Variants in SYNJ2 observed in about 807,000 individuals in gnomAD.
The protein encoded by SYNJ2 is polyphosphatidylinositol phosphatase SYNJ2.
A neutral mutation model predicts 141.3 loss-of-function variants in SYNJ2; 116 were observed. That is an observed-to-expected ratio of 0.82 (90% confidence interval 0.71 to 0.96). The LOEUF is 0.96. Among genes scored for constraint, SYNJ2 ranks in the 40% least tolerant of loss-of-function variants. The pLI is 0.00. For missense variants in SYNJ2, 1,873 were observed against 1,934.8 expected, an observed-to-expected ratio of 0.97 and a Z score of 0.60; for synonymous variants, 745 against 777.7, an observed-to-expected ratio of 0.96 and a Z score of 0.70.
intron 22 of SYNJ2, among the ~76,000 whole-genome samples, chr6:158,085,116 C>T (rs944823959): frequency 3.3e-5 from 5 of 151,626 alleles, no homozygotes; most frequent in African/African-American, 9.7e-5. Context: ...ACCTCCCAGG[C>T]TCAAGCGATC....
rs1210150892 is a variant in SYNJ2 at position 158,074,708 on chromosome 6, T to C, written c.2262T>C (p.Asp754=). 24 of 1,613,690 alleles carry C rather than the reference T, an allele frequency of 1.5e-5. No homozygotes were observed. The highest frequency in any genetic ancestry group is 2.0e-5 in the Non-Finnish European group (24 of 1,179,932). Residue 754 remains aspartate (D), a synonymous_variant, in exon 16 of 27, where the codon GAT becomes GAC. Coordinates refer to ENST00000355585, the MANE Select transcript of SYNJ2 (RefSeq NM_003898.4). ...RQDWKKLLEF[D]QLQLQKSSGK... is the part of the protein sequence containing the mutation. ...ACTGGAAGAAACTTCTGGAATTTGA[T>C]CAACTACAGCTACAGAAATCAAGTG...
intron 1 of SYNJ2, among the ~76,000 whole-genome samples, chr6:157,999,865 C>T (rs370644584): frequency 8.4e-4 from 128 of 152,240 alleles, no homozygotes; most frequent in African/African-American, 2.3e-3. Context: ...TGTTCTCTTT[C>T]GAGCCGTGCA....
At chr6:158,051,516 C>A (rs111757932) in intron 5 of SYNJ2, among the ~76,000 whole-genome samples, 1,655 of 151,926 alleles carry the variant, frequency 0.011, 11 homozygotes, top group African/African-American at 0.027. Flanking sequence ...TAAAAAAAAA[C>A]CCCACAGGTT....
rs570688976 is a variant in SYNJ2, at chr6:158,062,284, G to C, written c.1127+120G>C. 9.5e-6 allele frequency: 14 copies of C among 1,475,322 alleles called. No individual in the cohort carries two copies. In the East Asian group the frequency reaches 2.8e-4, roughly 30 times the overall value. The allele number at this position is 1,475,322 out of a possible 1,614,324, so 91.4% of individuals were successfully genotyped here. On this transcript the variant is annotated intron_variant, in intron 8 of 26. Transcript: ENST00000355585. Reference sequence around the variant, plus strand: ...GGCGGCAGAGGGGCCGTGCAGTCTAGGACATGTGCCCTATGAGGGGCAGCT... The same window carrying C: ...GGCGGCAGAGGGGCCGTGCAGTCTACGACATGTGCCCTATGAGGGGCAGCT...
At position 158,078,399 on chromosome 6, in the gene SYNJ2, G is replaced by T. The variant is rs545635719; in HGVS notation, c.2567+118G>T. ...GTGTGTGCGCATGGGGGTGCATTTTGTGTGCATACAATACACCAAAGAACA... is the reference window on the plus strand; with the variant it reads ...GTGTGTGCGCATGGGGGTGCATTTTTTGTGCATACAATACACCAAAGAACA... On this transcript the variant is annotated intron_variant, in intron 18 of 26. Transcript: ENST00000355585. The T allele has an allele frequency of 7.5e-6, 5 of 669,636 alleles. No individual in the cohort carries two copies. In the South Asian group the frequency reaches 9.1e-5, roughly 12 times the overall value. 41.5% of individuals were successfully genotyped at this position (669,636 alleles called of 1,614,324 possible).
chr6:157,982,345 A>G lies in SYNJ2; in HGVS notation c.127+257A>G, dbSNP rs1777045905. Among the ~76,000 whole-genome samples, 1 of 152,118 alleles carries G rather than the reference A, an allele frequency of 6.6e-6. No homozygotes were observed. The highest frequency in any genetic ancestry group is 2.4e-5 in the African/African-American group (1 of 41,430). On this transcript the variant is annotated intron_variant, in intron 1 of 26. Coordinates refer to ENST00000355585, the MANE Select transcript of SYNJ2 (RefSeq NM_003898.4). The surrounding 1 kb of genome is among the most constrained non-coding windows in gnomAD (Gnocchi z 4.0). The stretch of plus-strand genomic sequence containing the variant: ...TCTCCGGCCCGCGCCGCCAGAGGAT[A>G]TGGTTGCTGGATAGCCGGCTGGGGC...
At chr6:158,008,559 T>C (rs1434112159) in intron 1 of SYNJ2, among the ~76,000 whole-genome samples, 7 of 152,188 alleles carry the variant, frequency 4.6e-5, no homozygotes, top group African/African-American at 1.7e-4. Context: ...ATCTAAGGTA[T>C]AGGAGAGTGA....
At position 158,076,722 on chromosome 6, in the gene SYNJ2, A is replaced by AC. The variant is rs1562389268; in HGVS notation, c.2394dup (p.Ala799ArgfsTer16). 2 of 1,610,358 alleles carry AC rather than the reference A, an allele frequency of 1.2e-6. No individual in the cohort carries two copies. Among genetic ancestry groups the AC allele is most frequent in the Non-Finnish European group, 1.7e-6 (2 of 1,176,922 alleles). On this transcript the variant is annotated frameshift_variant, in exon 17 of 27. Coordinates refer to ENST00000355585, the MANE Select transcript of SYNJ2 (RefSeq NM_003898.4). LOFTEE classifies it high-confidence loss of function. ...CTACGATACAAGCGACAAATGCCGC[A>AC]CCCCCGCCTGGACAGACAGGGTGCT... is the stretch of plus-strand genomic sequence containing the variant.
At chr6:158,036,132 G>A (rs1192275991) in intron 4 of SYNJ2, among the ~76,000 whole-genome samples, 6 of 152,094 alleles carry the variant, frequency 3.9e-5, no homozygotes, top group Non-Finnish European at 8.8e-5. Flanking sequence ...CAAGTCAAAT[G>A]GCTATTATTT....
chr6:158,062,017 C>T lies in SYNJ2; in HGVS notation c.980C>T (p.Ala327Val), dbSNP rs202038099. 1.2e-5 allele frequency: 19 copies of T among 1,614,038 alleles called. No individual in the cohort carries two copies. Among genetic ancestry groups the T allele is most frequent in the East Asian group, 8.9e-5 (4 of 44,880 alleles). ...AAGCTGCTCTGGGCTTCTTGCCACG[C>T]GGGCGACACGCCTATGATCAATTTT... The part of the protein sequence containing the change: ...FKKLLWASCH[A>V]GDTPMINFDF... Residue 327 changes from alanine (A) to valine (V), a missense_variant, in exon 8 of 27, where the codon GCG (alanine) becomes GTG (valine). Ala to Val is a moderately conservative substitution (Grantham distance 64). Coordinates refer to ENST00000355585, the MANE Select transcript of SYNJ2 (RefSeq NM_003898.4).
chr6:157,989,148 C>G (rs938689610), intron 1 of SYNJ2, among the ~76,000 whole-genome samples: 5 of 152,160 alleles, frequency 3.3e-5, no homozygotes, highest in African/African-American at 7.2e-5. Context: ...TTATTGCAAG[C>G]TGTTTTGAGT....
At chr6:158,080,679 A>G (rs1484537006) in intron 18 of SYNJ2, among the ~76,000 whole-genome samples, 1 of 152,168 alleles carries the variant, frequency 6.6e-6, no homozygotes, top group Non-Finnish European at 1.5e-5. Flanking sequence ...TAACCCTCTG[A>G]AAAGCTTGCA....
intron 1 of SYNJ2, among the ~76,000 whole-genome samples, chr6:158,009,308 C>T (rs571942624): frequency 2.6e-5 from 4 of 152,194 alleles, no homozygotes; most frequent in Non-Finnish European, 4.4e-5. Flanking sequence ...CTCGGCAGTG[C>T]CCCCACCCCA....
chr6:158,036,021 A>T (rs1395402708), intron 4 of SYNJ2, among the ~76,000 whole-genome samples: 1 of 152,212 alleles, frequency 6.6e-6, no homozygotes, highest in Non-Finnish European at 1.5e-5. Flanking sequence ...GACACTTTTC[A>T]AAAGAAGGCA....
At chr6:157,996,910 A>C (rs1394266710) in intron 1 of SYNJ2, among the ~76,000 whole-genome samples, 1 of 152,144 alleles carries the variant, frequency 6.6e-6, no homozygotes, top group East Asian at 1.9e-4. Context: ...GAGCCAATTA[A>C]ATCTCTTTTC....
chr6:158,090,007 C>A (rs1207515381), intron 25 of SYNJ2, 60 bp downstream of exon 25: 2 of 1,218,838 alleles, frequency 1.6e-6, no homozygotes, highest in Non-Finnish European at 1.2e-6. Flanking sequence ...TATCTCCCTG[C>A]TAAAAGTGGT....
intron 2 of SYNJ2, among the ~76,000 whole-genome samples, chr6:158,023,645 G>C (rs1778891474): frequency 6.6e-6 from 1 of 152,132 alleles, no homozygotes; most frequent in South Asian, 2.1e-4. Flanking sequence ...TCCATGTTAG[G>C]GTAGAGGGTA....
rs995748877 is a variant in SYNJ2, at chr6:158,077,042, C to T, written c.2449+260C>T. 2.0e-5 allele frequency among the ~76,000 whole-genome samples: 3 copies of T among 151,324 alleles called. No homozygotes were observed. The South Asian group carries it at 6.2e-4, about 32-fold the overall frequency. ...CAGAGTTTCACTCTTGTTGCCTAGG[C>T]TGGAGTGCAATGGCGTGATCTTGGC... On this transcript the variant is annotated intron_variant, in intron 17 of 26. Transcript: ENST00000355585.
Position 158,088,749 on chromosome 6 carries a change from C to T in SYNJ2, c.3433C>T (p.Leu1145=). The T allele has an allele frequency of 6.2e-7, 1 of 1,613,858 alleles. No individual in the cohort carries two copies. Among genetic ancestry groups the T allele is most frequent in the Non-Finnish European group, 8.5e-7 (1 of 1,179,806 alleles). Residue 1145 remains leucine, a synonymous_variant, in exon 24 of 27, where the codon CTA becomes TTA. Transcript: ENST00000355585. ...QYSILQTARL[L]PGAPQQPPKA... is the part of the protein sequence containing the mutation. ...TTCAATTTTGCAGACGGCAAGACTTCTACCAGGAGCACCTCAGCAACCTGT... is the reference window on the plus strand; with the variant it reads ...TTCAATTTTGCAGACGGCAAGACTTTTACCAGGAGCACCTCAGCAACCTGT...
Sources: allele counts gnomAD v4.1 joint callset (sites outside exome capture counted in the v4.1 genomes callset), GRCh38; gene constraint gnomAD v4.1.1; non-coding constraint Gnocchi (gnomAD v3.1); transcripts MANE v1.5; gene names NCBI Gene and HGNC (gene_info 2026-07-23, HGNC 2026-07-21).